Variants in PRKCB observed in about 807,000 individuals in gnomAD.
PRKCB encodes the protein protein kinase C beta type.
In PRKCB, 13 loss-of-function variants were observed where a neutral mutation model predicts 81.5. That is an observed-to-expected ratio of 0.16 (90% CI 0.10 to 0.25). The LOEUF is 0.25. Ranked by LOEUF, PRKCB falls within the 10% of genes least tolerant of loss-of-function variation. The pLI, the probability that PRKCB is intolerant of heterozygous loss-of-function variation, is 1.00. For missense variants in PRKCB, 509 were observed against 875.7 expected, an observed-to-expected ratio of 0.58 and a Z score of 5.29; for synonymous variants, 335 against 321.4, an observed-to-expected ratio of 1.04 and a Z score of -0.45.
chr16:23,865,706 C>T (rs1433651409), intron 2 of PRKCB, among the ~76,000 whole-genome samples: 2 of 151,114 alleles, frequency 1.3e-5, no homozygotes, highest in African/African-American at 2.4e-5. Context: ...TTGGGCTGGT[C>T]GCTGTATTTC....
intron 2 of PRKCB, among the ~76,000 whole-genome samples, chr16:23,886,820 T>A (rs1000665113): frequency 6.6e-6 from 1 of 152,162 alleles, no homozygotes; most frequent in African/African-American, 2.4e-5. Flanking sequence ...GTCCCCTTCA[T>A]CTCTGCCTGT....
At chr16:24,009,780 G>A (rs138504055) in intron 3 of PRKCB, among the ~76,000 whole-genome samples, 3,117 of 152,020 alleles carry the variant, frequency 0.021, 125 homozygotes, top group African/African-American at 0.072. Flanking sequence ...TTGGGAGGCC[G>A]AGGTAGGGGG....
At chr16:24,037,434 C>T (rs1166570958) in intron 5 of PRKCB, among the ~76,000 whole-genome samples, 1 of 152,200 alleles carries the variant, frequency 6.6e-6, no homozygotes, top group Non-Finnish European at 1.5e-5. Flanking sequence ...AAAGCACTTA[C>T]AGGCAGTATC....
intron 2 of PRKCB, among the ~76,000 whole-genome samples, chr16:23,861,648 A>C: frequency 6.6e-6 from 1 of 152,212 alleles, no homozygotes; most frequent in Admixed American, 6.5e-5. Context: ...TAGCTCCCAG[A>C]ATCACATACT....
chr16:23,948,467 G>C (rs767464621), intron 2 of PRKCB, among the ~76,000 whole-genome samples: 5 of 152,064 alleles, frequency 3.3e-5, no homozygotes, highest in Non-Finnish European at 5.9e-5. Context: ...GCAGTGGTGC[G>C]ATCTTGGCTC....
chr16:24,181,019 T>A, intron 13 of PRKCB, 91 bp downstream of exon 13: 1 of 1,500,310 alleles, frequency 6.7e-7, no homozygotes, highest in Non-Finnish European at 9.0e-7. Context: ...TTGAGGGTGG[T>A]ACCTTGCAAG....
intron 2 of PRKCB, among the ~76,000 whole-genome samples, chr16:23,976,197 A>T (rs2141807980): frequency 6.6e-6 from 1 of 152,142 alleles, no homozygotes; most frequent in South Asian, 2.1e-4. Flanking sequence ...GCTACTAGGG[A>T]TGTTAAGTGG....
At chr16:23,872,137 A>G (rs947948245) in intron 2 of PRKCB, among the ~76,000 whole-genome samples, 1 of 152,170 alleles carries the variant, frequency 6.6e-6, no homozygotes, top group Non-Finnish European at 1.5e-5. Context: ...CAGTTCCAAG[A>G]AATGGTCTCT....
chr16:23,948,313 C>A (rs1964231304), intron 2 of PRKCB, among the ~76,000 whole-genome samples: 1 of 152,132 alleles, frequency 6.6e-6, no homozygotes, highest in Admixed American at 6.5e-5. Flanking sequence ...CAAAGCTTGT[C>A]TTTCCTGGTT....
chr16:24,131,148 T>C (rs1966852877), intron 9 of PRKCB, among the ~76,000 whole-genome samples: 1 of 152,198 alleles, frequency 6.6e-6, no homozygotes. Flanking sequence ...CTTATGAAAT[T>C]AAAAAGAAAA....
intron 5 of PRKCB, among the ~76,000 whole-genome samples, chr16:24,042,257 G>T (rs867262897): frequency 6.6e-6 from 1 of 152,278 alleles, no homozygotes; most frequent in African/African-American, 2.4e-5. Flanking sequence ...CCTCCTCGGA[G>T]GCTCTCTCAG....
chr16:23,836,191 G>A lies in PRKCB; in HGVS notation c.16G>A (p.Ala6Thr). ...CGCGCGCAAGATGGCTGACCCGGCT[G>A]CGGGGCCGCCGCCGAGCGAGGGCGA... is the stretch of plus-strand genomic sequence containing the variant. Reference protein sequence around the residue: MADPAAGPPPSEGEES... With the variant: MADPATGPPPSEGEES... Residue 6 changes from alanine to threonine, a missense_variant, in exon 1 of 17, where the codon GCG becomes ACG. Physicochemically the swap from Ala to Thr is moderately conservative, Grantham distance 58. Coordinates refer to ENST00000643927, the MANE Select transcript of PRKCB (RefSeq NM_002738.7). 6.4e-7 allele frequency: 1 copy of A among 1,567,652 alleles called. No homozygotes were observed.
Position 24,217,349 on chromosome 16 carries a change from G to A in PRKCB, c.*2533G>A, listed in dbSNP as rs41313541. On this transcript the variant is annotated 3_prime_UTR_variant, in exon 17 of 17. Transcript: ENST00000643927. ...ACTTCCTTTTCTATCCACATTTCCA[G>A]TGCAGAAGAAACTGAGAAACAGAGC... is the stretch of plus-strand genomic sequence containing the variant. 3.6e-4 allele frequency: 357 copies of A among 985,212 alleles called. No individual in the cohort carries two copies. The highest frequency in any genetic ancestry group is 4.2e-4 in the Non-Finnish European group (351 of 829,942). The allele number at this position is 985,212 out of a possible 1,614,324, so 61.0% of individuals were successfully genotyped here.
At chr16:24,061,242 G>A (rs1965969443) in intron 5 of PRKCB, among the ~76,000 whole-genome samples, 1 of 152,014 alleles carries the variant, frequency 6.6e-6, no homozygotes, top group African/African-American at 2.4e-5. Context: ...TGTATTTTTA[G>A]TAGAGACGGG....
chr16:24,153,196 G>A (rs573839010), intron 9 of PRKCB, among the ~76,000 whole-genome samples: 3 of 152,272 alleles, frequency 2.0e-5, no homozygotes, highest in Admixed American at 6.5e-5. Flanking sequence ...GTCCTCTGTT[G>A]CATCCTCTGG....
chr16:24,181,814 T>C (rs1285761283), intron 13 of PRKCB, among the ~76,000 whole-genome samples: 1 of 104,458 alleles, frequency 9.6e-6, no homozygotes, highest in Non-Finnish European at 2.0e-5. Context: ...CAAATAACAC[T>C]ATGATACTAT....
Position 24,154,722 on chromosome 16 carries a change from T to C in PRKCB, c.1104T>C (p.Tyr368=), listed in dbSNP as rs202161442. 52 of 1,614,072 alleles carry C rather than the reference T, an allele frequency of 3.2e-5. No homozygotes were observed. The highest frequency in any genetic ancestry group is 4.4e-5 in the Non-Finnish European group (52 of 1,180,030). Residue 368 remains tyrosine, a synonymous_variant, in exon 10 of 17, where the codon TAT becomes TAC. Transcript: ENST00000643927. ...LSERKGTDEL[Y]AVKILKKDVV... ...AACGAAAAGGCACAGATGAGCTCTATGCTGTGAAGATCCTGAAGAAGGACG... is the reference window on the plus strand; with the variant it reads ...AACGAAAAGGCACAGATGAGCTCTACGCTGTGAAGATCCTGAAGAAGGACG...
At chr16:23,917,139 G>A (rs1373012004) in intron 2 of PRKCB, among the ~76,000 whole-genome samples, 1 of 152,142 alleles carries the variant, frequency 6.6e-6, no homozygotes. Context: ...CCAGACCGGA[G>A]TGCAGTGGTC....
At chr16:24,056,045 A>C (rs371736308) in intron 5 of PRKCB, among the ~76,000 whole-genome samples, 8 of 152,216 alleles carry the variant, frequency 5.3e-5, no homozygotes, top group Non-Finnish European at 8.8e-5. Flanking sequence ...GTCTGTTTGC[A>C]TCTAACACCC....
Sources: gnomAD v4.1 joint callset for allele counts (sites outside exome capture counted in the v4.1 genomes callset) on GRCh38, gnomAD v4.1.1 for gene constraint, MANE v1.5 for transcripts, NCBI Gene and HGNC (gene_info 2026-07-23, HGNC 2026-07-21) for gene names.